RYR2: variants seen among roughly 807,000 people sequenced by gnomAD.
RYR2 encodes the protein ryanodine receptor 2, also known as cardiac muscle ryanodine receptor-calcium release channel.
Under a neutral mutation model 601.1 loss-of-function variants are expected in RYR2, and 227 were observed. The observed-to-expected ratio is 0.38, with a 90% confidence interval of 0.34 to 0.42. The LOEUF is 0.42. Among genes scored for constraint, RYR2 ranks in the 10% least tolerant of loss-of-function variants. The pLI is 1.00. For synonymous variants in RYR2, 2,223 were observed against 2,175.1 expected (o/e 1.02, Z -0.61); for missense variants, 4,646 against 6,156.5 (o/e 0.75, Z 8.21).
chr1:237,193,903 C>A (rs932194643), intron 1 of RYR2, among the ~76,000 whole-genome samples: 8 of 152,140 alleles, frequency 5.3e-5, no homozygotes, highest in African/African-American at 1.7e-4. Context: ...AATAAAAAAT[C>A]TCTTATGAAG....
chr1:237,182,755 G>A (rs1678923311), intron 1 of RYR2, among the ~76,000 whole-genome samples: 1 of 152,080 alleles, frequency 6.6e-6, no homozygotes, highest in Admixed American at 6.6e-5. Context: ...GGTTTTGGAG[G>A]TTGGATCCAG....
rs143389392 is a variant in RYR2, at chr1:237,604,499, G to A, written c.4683+2388G>A. 6.1e-3 allele frequency among the ~76,000 whole-genome samples: 931 copies of A among 152,052 alleles called. 3 individuals carry two copies. Among genetic ancestry groups the A allele is most frequent in the Middle Eastern group, 0.037 (11 of 294 alleles). ...GATCTAAAATTGACACCCTAACATC[G>A]CAATTCAAAGAACTAGAGAAGCAAG... On this transcript the variant is annotated intron_variant, in intron 35 of 104. Transcript: ENST00000366574.
chr1:237,055,340 G>T (rs576152789), intron 1 of RYR2, among the ~76,000 whole-genome samples: 1 of 152,040 alleles, frequency 6.6e-6, no homozygotes, highest in Non-Finnish European at 1.5e-5. Context: ...GAGAAAAATG[G>T]GTCAGAGCTG....
Position 237,511,765 on chromosome 1 carries a change from C to G in RYR2, c.2796C>G (p.Asn932Lys). 1 of 1,495,852 alleles carries G rather than the reference C, an allele frequency of 6.7e-7. No homozygotes were observed. The highest frequency in any genetic ancestry group is 9.0e-7 in the Non-Finnish European group (1 of 1,108,178). 92.7% of individuals were successfully genotyped at this position (1,495,852 alleles called of 1,614,324 possible). The change falls in exon 24 of 105, where the codon AAC becomes AAG. Residue 932 changes from asparagine to lysine, a missense_variant. Physicochemically the swap from Asn to Lys is moderately conservative, Grantham distance 94. This residue lies in a region of RYR2 where 1,807 missense variants were observed against 2,088.1 expected (regional missense o/e 0.87). Coordinates refer to ENST00000366574, the MANE Select transcript of RYR2 (RefSeq NM_001035.3). ...TGCCTGAACAGGAGCGCAATTACAA[C>G]TTACAAATGTCGCTTGAGACCCTGA... ...SKLPEQERNY[N>K]LQMSLETLKT...
intron 10 of RYR2, among the ~76,000 whole-genome samples, chr1:237,406,833 A>T (rs776850191): frequency 1.3e-5 from 2 of 152,204 alleles, no homozygotes; most frequent in Non-Finnish European, 2.9e-5. Flanking sequence ...TACTCTTGTT[A>T]TAAATGATAA....
Position 237,599,547 on chromosome 1 carries a change from G to A in RYR2, c.4597-2478G>A, listed in dbSNP as rs143357914. Among the ~76,000 whole-genome samples, 49 of 152,162 alleles carry A rather than the reference G, an allele frequency of 3.2e-4. No individual in the cohort carries two copies. In the East Asian group the frequency reaches 7.7e-3, roughly 24 times the overall value. On this transcript the variant is annotated intron_variant, in intron 34 of 104. Transcript: ENST00000366574. ...TTTAAAAATCAGTTATCGGCTGGGCGCAGTGACTCATGCCTGTAATCCCAG... is the reference window on the plus strand; with the variant it reads ...TTTAAAAATCAGTTATCGGCTGGGCACAGTGACTCATGCCTGTAATCCCAG...
At chr1:237,757,858 T>G in intron 82 of RYR2, 82 bp downstream of exon 82, 1 of 910,596 alleles carries the variant, frequency 1.1e-6, no homozygotes, top group Non-Finnish European at 1.8e-6. Flanking sequence ...GTAAAATGTT[T>G]TATTTTCTAT....
chr1:237,329,723 G>A (rs1696528713), intron 2 of RYR2, among the ~76,000 whole-genome samples: 1 of 152,092 alleles, frequency 6.6e-6, no homozygotes, highest in African/African-American at 2.4e-5. Flanking sequence ...CATATATTGT[G>A]TAGTGGTAAG....
chr1:237,073,584 G>C (rs1664642535), intron 1 of RYR2, among the ~76,000 whole-genome samples: 1 of 152,056 alleles, frequency 6.6e-6, no homozygotes. Flanking sequence ...CATTAATAAT[G>C]CTTCAGGGTG....
chr1:237,708,444 G>T (rs1383832444), intron 68 of RYR2, among the ~76,000 whole-genome samples: 2 of 152,130 alleles, frequency 1.3e-5, no homozygotes, highest in Non-Finnish European at 2.9e-5. Context: ...CTCTTCCATT[G>T]TGCCAAGGAT....
chr1:237,300,833 T>C (rs968842467), intron 2 of RYR2, among the ~76,000 whole-genome samples: 1 of 152,128 alleles, frequency 6.6e-6, no homozygotes, highest in African/African-American at 2.4e-5. Context: ...CCCATAATGC[T>C]GAGGACAGCA....
chr1:237,743,898 C>G (rs1691833317), intron 80 of RYR2, among the ~76,000 whole-genome samples: 3 of 152,200 alleles, frequency 2.0e-5, no homozygotes, highest in African/African-American at 7.2e-5. Flanking sequence ...GAGTCCAGCC[C>G]TTTGGATGAC....
intron 96 of RYR2, among the ~76,000 whole-genome samples, chr1:237,797,150 T>TC (rs1334646129): frequency 6.6e-6 from 1 of 151,942 alleles, no homozygotes; most frequent in African/African-American, 2.4e-5. Context: ...AAGAGCTGTA[T>TC]CCCAGAGTTG....
chr1:237,483,900 CCAAA>C (rs973993578), intron 17 of RYR2, among the ~76,000 whole-genome samples: 35 of 152,196 alleles, frequency 2.3e-4, no homozygotes, highest in East Asian at 1.2e-3. Flanking sequence ...AAAAAAATCC[CCAAA>C]CAAATACCTG....
At chr1:237,668,019 G>A in intron 58 of RYR2, 61 bp downstream of exon 58, 3 of 1,312,082 alleles carry the variant, frequency 2.3e-6, no homozygotes, top group Non-Finnish European at 3.2e-6. Flanking sequence ...TGAGTGTATG[G>A]ATGAAGTCGT....
intron 3 of RYR2, among the ~76,000 whole-genome samples, chr1:237,331,370 G>T (rs1169379235): frequency 2.0e-5 from 3 of 152,136 alleles, no homozygotes; most frequent in Non-Finnish European, 4.4e-5. Flanking sequence ...ATGTGACTAT[G>T]TTCTGAGCTT....
intron 1 of RYR2, among the ~76,000 whole-genome samples, chr1:237,214,684 A>C (rs1682972189): frequency 2.0e-5 from 3 of 152,220 alleles, no homozygotes; most frequent in Non-Finnish European, 4.4e-5. Flanking sequence ...TATATATTTC[A>C]TATGCATTTA....
At chr1:237,214,109 T>TG (rs1409316212) in intron 1 of RYR2, among the ~76,000 whole-genome samples, 1 of 151,742 alleles carries the variant, frequency 6.6e-6, no homozygotes, top group African/African-American at 2.4e-5. Context: ...TTAGTAGAGA[T>TG]GGGGTTTCAC....
intron 4 of RYR2, among the ~76,000 whole-genome samples, chr1:237,357,015 C>A (rs953693001): frequency 6.6e-6 from 1 of 151,988 alleles, no homozygotes; most frequent in Non-Finnish European, 1.5e-5. Context: ...AGTGCCCTTT[C>A]AGTAGTGTTT....
Sources: allele counts gnomAD v4.1 joint callset (sites outside exome capture counted in the v4.1 genomes callset), GRCh38; gene constraint gnomAD v4.1.1; regional missense constraint gnomAD v4.1.1; transcripts MANE v1.5; gene names NCBI Gene and HGNC (gene_info 2026-07-23, HGNC 2026-07-21).